PIK3CB: variants seen among roughly 807,000 people sequenced by gnomAD.
PIK3CB encodes phosphatidylinositol 4,5-bisphosphate 3-kinase catalytic subunit beta isoform.
Under a neutral mutation model 136.8 loss-of-function variants are expected in PIK3CB, and 39 were observed. That is an observed-to-expected ratio of 0.29 (90% CI 0.22 to 0.37). The LOEUF (loss-of-function observed/expected upper bound fraction) is 0.37. Ranked by LOEUF, PIK3CB falls within the 10% of genes least tolerant of loss-of-function variation. The probability of loss-of-function intolerance (pLI) is 1.00; values close to 1 mark genes in which losing one functional copy is unlikely to be tolerated. For missense variants in PIK3CB, 868 were observed against 1,275.4 expected, an observed-to-expected ratio of 0.68 and a Z score of 4.87; for synonymous variants, 428 against 436.6, an observed-to-expected ratio of 0.98 and a Z score of 0.25.
intron 5 of PIK3CB, among the ~76,000 whole-genome samples, chr3:138,738,431 A>C (rs1416182508): frequency 1.3e-5 from 2 of 152,148 alleles, no homozygotes; most frequent in Admixed American, 1.3e-4. Context: ...TCAGCCTCCC[A>C]AAGTGCTGGG....
chr3:138,666,034 G>A (rs896894547), intron 19 of PIK3CB, among the ~76,000 whole-genome samples: 3 of 152,218 alleles, frequency 2.0e-5, no homozygotes, highest in African/African-American at 7.2e-5. Context: ...AGAAAGGTAA[G>A]AATTGATATT....
intron 8 of PIK3CB, among the ~76,000 whole-genome samples, chr3:138,722,135 T>C (rs1324090168): frequency 6.6e-6 from 1 of 151,660 alleles, no homozygotes; most frequent in East Asian, 1.9e-4. Flanking sequence ...GGGTGTTTTT[T>C]TTTTTTTTTT....
chr3:138,765,095 G>A (rs1340675500), intron 2 of PIK3CB, among the ~76,000 whole-genome samples: 2 of 152,172 alleles, frequency 1.3e-5, no homozygotes, highest in Non-Finnish European at 2.9e-5. Context: ...TTTGGGAGGT[G>A]AATCACTTGA....
At chr3:138,729,794 T>C (rs1212145208) in intron 8 of PIK3CB, among the ~76,000 whole-genome samples, 2 of 152,180 alleles carry the variant, frequency 1.3e-5, no homozygotes, top group Non-Finnish European at 2.9e-5. Flanking sequence ...TTATAATAAA[T>C]CTTCTATATT....
At chr3:138,812,239 G>GT (rs35484938) in intron 1 of PIK3CB, among the ~76,000 whole-genome samples, 57,589 of 148,036 alleles carry the variant, frequency 0.39, 11,876 homozygotes, top group Middle Eastern at 0.47. Flanking sequence ...AGAATGAGAG[G>GT]TTTTTTTTTT....
intron 1 of PIK3CB, chr3:138,825,273 G>C: frequency 2.4e-6 from 1 of 422,572 alleles, no homozygotes; most frequent in Non-Finnish European, 4.3e-6. Flanking sequence ...ATCTCAGGCT[G>C]ACTGTGCTGT....
rs189467607 is a variant in PIK3CB at position 138,807,820 on chromosome 3, G to A, written c.-121-11253C>T. Among the ~76,000 whole-genome samples the A allele has an allele frequency of 8.6e-4, 130 of 152,008 alleles. No individual in the cohort carries two copies. In the Middle Eastern group the frequency reaches 0.01, roughly 12 times the overall value. ...TGGTGGAAGGATCGCTTTTGAGCTC[G>A]GGAGGTTGAGGCTGCAGTGAGCTAT... is the stretch of plus-strand genomic sequence containing the variant. On this transcript the variant is annotated intron_variant, in intron 1 of 23. Transcript: ENST00000674063.
intron 8 of PIK3CB, among the ~76,000 whole-genome samples, chr3:138,721,375 T>C (rs2044723687): frequency 6.6e-6 from 1 of 152,110 alleles, no homozygotes; most frequent in Non-Finnish European, 1.5e-5. Context: ...ATGTTGGTCA[T>C]GCCGGTCTCT....
intron 13 of PIK3CB, among the ~76,000 whole-genome samples, chr3:138,697,789 T>C (rs1398806634): frequency 6.6e-6 from 1 of 151,636 alleles, no homozygotes; most frequent in Non-Finnish European, 1.5e-5. Context: ...CAGGGTAGAG[T>C]GCAATGGCAT....
At chr3:138,729,347 G>A (rs1190978116) in intron 8 of PIK3CB, among the ~76,000 whole-genome samples, 2 of 152,082 alleles carry the variant, frequency 1.3e-5, no homozygotes, top group Non-Finnish European at 2.9e-5. Context: ...AGGTCACAGG[G>A]TACCCTGGTA....
chr3:138,744,392 C>CAAAAAAAAAAAAAAAAAAAAAA lies in PIK3CB; in HGVS notation c.398-1633_398-1612dup, dbSNP rs60503033. Among the ~76,000 whole-genome samples the CAAAAAAAAAAAAAAAAAAAAAA allele has an allele frequency of 2.3e-3, 102 of 45,108 alleles. 47 individuals are homozygous for CAAAAAAAAAAAAAAAAAAAAAA. Among genetic ancestry groups the CAAAAAAAAAAAAAAAAAAAAAA allele is most frequent in the East Asian group, 5.3e-3 (11 of 2,060 alleles). 29.6% of individuals were successfully genotyped at this position (45,108 alleles called of 152,430 possible). On this transcript the variant is annotated intron_variant, in intron 4 of 23. Transcript: ENST00000674063. ...ACTGGGTGACAGAGCGAGACTCCCC[C>CAAAAAAAAAAAAAAAAAAAAAA]AAAAAAAAAAAAAAAAAAAAAAAAA...
chr3:138,799,350 T>C (rs1167716955), intron 1 of PIK3CB, among the ~76,000 whole-genome samples: 4 of 151,858 alleles, frequency 2.6e-5, no homozygotes, highest in Admixed American at 1.3e-4. Context: ...GCTATTTTTT[T>C]TTGTATATTT....
chr3:138,736,437 C>T (rs973726217), intron 6 of PIK3CB, among the ~76,000 whole-genome samples: 17 of 152,276 alleles, frequency 1.1e-4, no homozygotes, highest in Middle Eastern at 3.4e-3. Context: ...CTTGTTTAAA[C>T]AACAACAACA....
At chr3:138,810,198 T>C (rs1380348066) in intron 1 of PIK3CB, among the ~76,000 whole-genome samples, 3 of 152,102 alleles carry the variant, frequency 2.0e-5, no homozygotes, top group African/African-American at 7.2e-5. Flanking sequence ...AAGTAAATGA[T>C]TAAACAAATA....
At chr3:138,802,475 G>A (rs1390733110) in intron 1 of PIK3CB, among the ~76,000 whole-genome samples, 5 of 151,574 alleles carry the variant, frequency 3.3e-5, no homozygotes. Context: ...GGGCAAGAGG[G>A]AGGGATTCTC....
chr3:138,804,246 G>A (rs577193180), intron 1 of PIK3CB, among the ~76,000 whole-genome samples: 11 of 152,306 alleles, frequency 7.2e-5, no homozygotes, highest in African/African-American at 2.6e-4. Context: ...AGGCATGGTA[G>A]TTCATATCTA....
chr3:138,671,537 T>C (rs2043532835), intron 19 of PIK3CB, among the ~76,000 whole-genome samples: 1 of 152,054 alleles, frequency 6.6e-6, no homozygotes, highest in South Asian at 2.1e-4. Context: ...GTTCCAAAAA[T>C]AGAGATTTCT....
At chr3:138,775,870 C>G (rs1314515674) in intron 2 of PIK3CB, among the ~76,000 whole-genome samples, 2 of 152,136 alleles carry the variant, frequency 1.3e-5, no homozygotes, top group Admixed American at 1.3e-4. Flanking sequence ...TATTTCGTTT[C>G]AAAACCCTCA....
intron 1 of PIK3CB, among the ~76,000 whole-genome samples, chr3:138,827,058 A>G (rs887275769): frequency 1.3e-5 from 2 of 151,232 alleles, no homozygotes; most frequent in Non-Finnish European, 2.9e-5. Flanking sequence ...AACAAGAGCA[A>G]AACTCGGTCA....
Sources: allele counts gnomAD v4.1 joint callset (sites outside exome capture counted in the v4.1 genomes callset), GRCh38; gene constraint gnomAD v4.1.1; transcripts MANE v1.5; gene names NCBI Gene and HGNC (gene_info 2026-07-23, HGNC 2026-07-21).